SEMA3B: variants seen among roughly 807,000 people sequenced by gnomAD.
SEMA3B encodes the protein semaphorin-3B.
Under a neutral mutation model 77.8 loss-of-function variants are expected in SEMA3B, and 71 were observed. The observed-to-expected ratio is 0.91, with a 90% CI of 0.75 to 1.11. The LOEUF (loss-of-function observed/expected upper bound fraction) is 1.11, where lower values mean the gene tolerates loss of function less well. SEMA3B is among the 50% of genes most tolerant of loss of function. The pLI is 0.00. For synonymous variants in SEMA3B, 470 were observed against 452.9 expected (o/e 1.04, Z -0.48); for missense variants, 968 against 1,056.8 (o/e 0.92, Z 1.17).
chr3:50,275,002 T>C lies in SEMA3B; in HGVS notation c.1450-10T>C. 1 of 1,356,988 alleles carries C rather than the reference T, an allele frequency of 7.4e-7. No homozygotes were observed. Among genetic ancestry groups the C allele is most frequent in the Non-Finnish European group, 1.0e-6 (1 of 1,004,544 alleles). The allele number at this position is 1,356,988 out of a possible 1,614,324, so 84.1% of individuals were successfully genotyped here. A position where few individuals can be genotyped will look rare whatever the true frequency, so the allele number is the denominator to read the frequency against. ...TAAGCCCTGACCCCGTCGCCCCTCC[T>C]CCCTCTCAGGACTCGGCCGCTGTCA... On this transcript the variant is annotated splice_polypyrimidine_tract_variant and intron_variant, in intron 12 of 16. Transcript: ENST00000616701. The surrounding 1 kb of genome is among the most constrained non-coding windows in gnomAD (Gnocchi z 7.5).
Position 50,274,349 on chromosome 3 carries a change from T to TC in SEMA3B, c.1138-9dup. ...TCTATATCCCTGCTGTGCCTCCCTT[T>TC]CCCCCACCCCCAGTGCCCCAGCAAG... On this transcript the variant is annotated splice_polypyrimidine_tract_variant and intron_variant, in intron 10 of 16. Coordinates refer to ENST00000616701, the MANE Select transcript of SEMA3B (RefSeq NM_001290060.2). This position sits in a 1 kb window ranked among gnomAD's most constrained non-coding sequence, Gnocchi z 4.7. 1 of 1,486,356 alleles carries TC rather than the reference T, an allele frequency of 6.7e-7. No individual in the cohort carries two copies. The highest frequency in any genetic ancestry group is 9.0e-7 in the Non-Finnish European group (1 of 1,117,316). The allele number at this position is 1,486,356 out of a possible 1,614,324, so 92.1% of individuals were successfully genotyped here.
Position 50,270,889 on chromosome 3 carries a change from G to A in SEMA3B, c.331-1G>A. 1.2e-6 allele frequency: 2 copies of A among 1,600,580 alleles called. No homozygotes were observed. On this transcript the variant is annotated splice_acceptor_variant, in intron 3 of 16. Coordinates refer to ENST00000616701, the MANE Select transcript of SEMA3B (RefSeq NM_001290060.2). LOFTEE classifies it high-confidence loss of function. The surrounding 1 kb of genome is among the most constrained non-coding windows in gnomAD (Gnocchi z 4.7). ...AAGCCTCACACCTCCAACCCTACTAGACTGAGTGCATGAACTTCGTGAAGT... is the reference window on the plus strand; with the variant it reads ...AAGCCTCACACCTCCAACCCTACTAAACTGAGTGCATGAACTTCGTGAAGT...
At position 50,273,065 on chromosome 3, in the gene SEMA3B, C is replaced by CG; in HGVS notation, c.665-233_665-232insG. The CG allele has an allele frequency of 1.7e-6, 1 of 572,252 alleles. No individual in the cohort carries two copies. Among genetic ancestry groups the CG allele is most frequent in the Non-Finnish European group, 2.9e-6 (1 of 340,660 alleles). The allele number at this position is 572,252 out of a possible 1,614,324, so 35.4% of individuals were successfully genotyped here. ...TAGCCGGGCTTCACGCCTGCGCCCC[C>CG]AGGTAGCCACGGTCTCTGCTGCCCC... On this transcript the variant is annotated intron_variant, in intron 6 of 16. Transcript: ENST00000616701. This position sits in a 1 kb window ranked among gnomAD's most constrained non-coding sequence, Gnocchi z 6.5.
At position 50,273,292 on chromosome 3, in the gene SEMA3B, G is replaced by T. The variant is rs1427402015; in HGVS notation, c.665-6G>T. 3 of 1,612,398 alleles carry T rather than the reference G, an allele frequency of 1.9e-6. No homozygotes were observed. The African/African-American group carries it at 4.0e-5, about 22-fold the overall frequency. ...CCCGCTGACCCATGCCTCCTGCCGCGGTCAGAGCCCAAGTTTGTCAAGGTA... is the reference window on the plus strand; with the variant it reads ...CCCGCTGACCCATGCCTCCTGCCGCTGTCAGAGCCCAAGTTTGTCAAGGTA... On this transcript the variant is annotated splice_region_variant and splice_polypyrimidine_tract_variant and intron_variant, in intron 6 of 16. Transcript: ENST00000616701. This position sits in a 1 kb window ranked among gnomAD's most constrained non-coding sequence, Gnocchi z 6.5.
chr3:50,273,929 T>A lies in SEMA3B; in HGVS notation c.1009T>A (p.Ser337Thr). The A allele has an allele frequency of 1.2e-6, 2 of 1,611,126 alleles. No individual in the cohort carries two copies. Among genetic ancestry groups the A allele is most frequent in the South Asian group, 2.2e-5 (2 of 90,924 alleles). The change falls in exon 10 of 17, where the codon TCT (serine) becomes ACT (threonine). Residue 337 changes from serine (S) to threonine (T), a missense_variant. By Grantham distance (58) the Ser-to-Thr change is moderately conservative. Transcript: ENST00000616701. The surrounding 1 kb of genome is among the most constrained non-coding windows in gnomAD (Gnocchi z 6.5). ...CGCCTCCAGCAGCATCTTCCAGGGCTCTGCGGTGTGCGTGTACAGCATGAA... is the reference window on the plus strand; with the variant it reads ...CGCCTCCAGCAGCATCTTCCAGGGCACTGCGGTGTGCGTGTACAGCATGAA... ...FSTSSSIFQG[S>T]AVCVYSMNDV...
At position 50,273,317 on chromosome 3, in the gene SEMA3B, A is replaced by G; in HGVS notation, c.684A>G (p.Val228=). 6.2e-7 allele frequency: 1 copy of G among 1,613,886 alleles called. No individual in the cohort carries two copies. The highest frequency in any genetic ancestry group is 8.5e-7 in the Non-Finnish European group (1 of 1,179,818). ...GGTCAGAGCCCAAGTTTGTCAAGGT[A>G]TTTTGGATCCCGGAGAGCGAGAACC... The part of the protein sequence containing the change: ...RWLNEPKFVK[V]FWIPESENPD... Residue 228 remains valine (V), a synonymous_variant, in exon 7 of 17, where the codon GTA becomes GTG. Transcript: ENST00000616701. This position sits in a 1 kb window ranked among gnomAD's most constrained non-coding sequence, Gnocchi z 6.5.
chr3:50,270,097 G>A lies in SEMA3B; in HGVS notation c.110-30G>A. The A allele has an allele frequency of 6.6e-7, 1 of 1,503,808 alleles. No individual in the cohort carries two copies. Among genetic ancestry groups the A allele is most frequent in the Non-Finnish European group, 8.9e-7 (1 of 1,123,196 alleles). 93.2% of individuals were successfully genotyped at this position (1,503,808 alleles called of 1,614,324 possible). A position where few individuals can be genotyped will look rare whatever the true frequency, so the allele number is the denominator to read the frequency against. On this transcript the variant is annotated intron_variant, in intron 1 of 16. Coordinates refer to ENST00000616701, the MANE Select transcript of SEMA3B (RefSeq NM_001290060.2). This position sits in a 1 kb window ranked among gnomAD's most constrained non-coding sequence, Gnocchi z 4.7. ...CTGGGGGAGGCTTCCAGCATGGCTG[G>A]CGAGTCATCAGCAGTGTCCTGCCCT...
rs115552710 is a variant in SEMA3B at position 50,274,750 on chromosome 3, A to G, written c.1358-93A>G. 2,028 of 1,465,774 alleles carry G rather than the reference A, an allele frequency of 1.4e-3. 18 individuals carry two copies. In the African/African-American group the frequency reaches 0.024, roughly 17 times the overall value. 90.8% of individuals were successfully genotyped at this position (1,465,774 alleles called of 1,614,324 possible). A position where few individuals can be genotyped will look rare whatever the true frequency, so the allele number is the denominator to read the frequency against. ...TCCAGTCCACACTCTTCACAACCCAAACATGCTGAGGGTAGACGCCTCAAA... is the reference window on the plus strand; with the variant it reads ...TCCAGTCCACACTCTTCACAACCCAGACATGCTGAGGGTAGACGCCTCAAA... On this transcript the variant is annotated intron_variant, in intron 11 of 16. Transcript: ENST00000616701. The surrounding 1 kb of genome is among the most constrained non-coding windows in gnomAD (Gnocchi z 4.7).
Position 50,274,189 on chromosome 3 carries a change from C to T in SEMA3B, c.1137+132C>T. 6.9e-7 allele frequency: 1 copy of T among 1,440,296 alleles called. No homozygotes were observed. The highest frequency in any genetic ancestry group is 9.4e-7 in the Non-Finnish European group (1 of 1,061,196). The allele number at this position is 1,440,296 out of a possible 1,614,324, so 89.2% of individuals were successfully genotyped here. ...GTGGGAAAACGTTTCCATCATAAGA[C>T]AAGGCTTGTTTCCCGCCTCTGACTT... On this transcript the variant is annotated intron_variant, in intron 10 of 16. Transcript: ENST00000616701. This position sits in a 1 kb window ranked among gnomAD's most constrained non-coding sequence, Gnocchi z 4.7.
At chr3:50,267,450 T>C (rs1263574441), upstream of SEMA3B, 1 of 152,228 alleles carries the variant, frequency 6.6e-6, no homozygotes, top group African/African-American at 2.4e-5. This position sits in a 1 kb window ranked among gnomAD's most constrained non-coding sequence, Gnocchi z 5.7. Flanking sequence ...AGGCCCAATA[T>C]GGGAGGGGTC....
Position 50,270,105 on chromosome 3 carries a change from T to C in SEMA3B, c.110-22T>C. The C allele has an allele frequency of 6.6e-7, 1 of 1,520,152 alleles. No homozygotes were observed. The highest frequency in any genetic ancestry group is 8.8e-7 in the Non-Finnish European group (1 of 1,131,280). The allele number at this position is 1,520,152 out of a possible 1,614,324, so 94.2% of individuals were successfully genotyped here. A position where few individuals can be genotyped will look rare whatever the true frequency, so the allele number is the denominator to read the frequency against. ...GGCTTCCAGCATGGCTGGCGAGTCA[T>C]CAGCAGTGTCCTGCCCTGCAGAGCT... On this transcript the variant is annotated intron_variant, in intron 1 of 16. Coordinates refer to ENST00000616701, the MANE Select transcript of SEMA3B (RefSeq NM_001290060.2). The surrounding 1 kb of genome is among the most constrained non-coding windows in gnomAD (Gnocchi z 4.7).
Position 50,269,984 on chromosome 3 carries a change from G to GTGTAAACTCACACACA in SEMA3B, c.110-130_110-115dup. On this transcript the variant is annotated intron_variant, in intron 1 of 16. Coordinates refer to ENST00000616701, the MANE Select transcript of SEMA3B (RefSeq NM_001290060.2). The surrounding 1 kb of genome is among the most constrained non-coding windows in gnomAD (Gnocchi z 4.0). ...CACCTGGGTGGGCTTGGGTTTGCGT[G>GTGTAAACTCACACACA]TGTAAACTCACACACATGTAAACTC... 2 of 904,786 alleles carry GTGTAAACTCACACACA rather than the reference G, an allele frequency of 2.2e-6. No individual in the cohort carries two copies. The highest frequency in any genetic ancestry group is 2.1e-5 in the South Asian group (1 of 46,886). The allele number at this position is 904,786 out of a possible 1,614,324, so 56.0% of individuals were successfully genotyped here.
upstream of SEMA3B, among the ~76,000 whole-genome samples, chr3:50,265,966 C>G (rs782115397): frequency 6.6e-6 from 1 of 152,224 alleles, no homozygotes; most frequent in African/African-American, 2.4e-5. Context: ...GGGACAGAGA[C>G]AGTCTAGTCC....
Position 50,271,100 on chromosome 3 carries a change from C to A in SEMA3B, c.463C>A (p.Arg155=). Residue 155 remains arginine, a synonymous_variant, in exon 5 of 17, where the codon CGG becomes AGG. Coordinates refer to ENST00000616701, the MANE Select transcript of SEMA3B (RefSeq NM_001290060.2). ...VGHRAEEPVL[R]LDPGRIEDGK... is the part of the protein sequence containing the mutation. ...CCACACCTCCCAGGAGCCCGTCCTC[C>A]GGCTGGACCCAGGAAGGATAGAGGA... 2 of 1,581,094 alleles carry A rather than the reference C, an allele frequency of 1.3e-6. No individual in the cohort carries two copies. Among genetic ancestry groups the A allele is most frequent in the Non-Finnish European group, 8.6e-7 (1 of 1,163,574 alleles).
chr3:50,271,229 A>G, intron 5 of SEMA3B, 48 bp downstream of exon 5: 2 of 1,549,270 alleles, frequency 1.3e-6, no homozygotes, highest in Non-Finnish European at 1.7e-6. Flanking sequence ...GAAACTCTAG[A>G]ACCTCACAAA....
At chr3:50,261,403 A>G in the SEMA3B span, 1 of 152,258 alleles carries the variant, frequency 6.6e-6, no homozygotes, top group Admixed American at 6.5e-5. Flanking sequence ...TGCTCCGGCT[A>G]CTGATGTGGT....
At chr3:50,268,102 A>G (rs1159386838), upstream of SEMA3B, among the ~76,000 whole-genome samples, 1 of 152,092 alleles carries the variant, frequency 6.6e-6, no homozygotes, top group African/African-American at 2.4e-5. Flanking sequence ...GAGGCTGTGG[A>G]GGCGTTGAGA....
chr3:50,270,292 G>A lies in SEMA3B; in HGVS notation c.267+8G>A. ...AGCAAGCGGGCCAAGAAGGTGCCAG[G>A]GACTCCCAACCCCAGCACTCCCCAG... On this transcript the variant is annotated splice_region_variant and intron_variant, in intron 2 of 16. Transcript: ENST00000616701. This position sits in a 1 kb window ranked among gnomAD's most constrained non-coding sequence, Gnocchi z 4.7. 6.2e-7 allele frequency: 1 copy of A among 1,613,042 alleles called. No homozygotes were observed. Among genetic ancestry groups the A allele is most frequent in the African/African-American group, 1.3e-5 (1 of 75,024 alleles).
rs1553705670 is a variant in SEMA3B, at chr3:50,273,148, C to G, written c.665-150C>G. On this transcript the variant is annotated intron_variant, in intron 6 of 16. Coordinates refer to ENST00000616701, the MANE Select transcript of SEMA3B (RefSeq NM_001290060.2). The surrounding 1 kb of genome is among the most constrained non-coding windows in gnomAD (Gnocchi z 6.5). ...TCCTTTGGATTCGGTCCGCGCAGAG[C>G]GCCAACTGGACATGGTGCTAGAGGT... The G allele has an allele frequency of 1.2e-5, 15 of 1,232,542 alleles. No individual in the cohort carries two copies. Among genetic ancestry groups the G allele is most frequent in the South Asian group, 9.5e-5 (6 of 63,256 alleles). 76.4% of individuals were successfully genotyped at this position (1,232,542 alleles called of 1,614,324 possible). A position where few individuals can be genotyped will look rare whatever the true frequency, so the allele number is the denominator to read the frequency against.
Sources: allele counts gnomAD v4.1 joint callset (sites outside exome capture counted in the v4.1 genomes callset), GRCh38; gene constraint gnomAD v4.1.1; non-coding constraint Gnocchi (gnomAD v3.1); transcripts MANE v1.5; gene names NCBI Gene and HGNC (gene_info 2026-07-23, HGNC 2026-07-21).